Variants in PITPNC1 observed in about 807,000 individuals in gnomAD.
PITPNC1 encodes the protein cytoplasmic phosphatidylinositol transfer protein 1.
PITPNC1 carries 18 observed loss-of-function variants against 44.7 expected under a neutral mutation model. That is an observed-to-expected ratio of 0.40 (90% CI 0.28 to 0.60). The LOEUF is 0.60. Among genes scored for constraint, PITPNC1 ranks in the 20% least tolerant of loss-of-function variants. PITPNC1 has a pLI of 0.39. For synonymous variants in PITPNC1, 141 were observed against 149.6 expected (o/e 0.94, Z 0.42); for missense variants, 290 against 418.4 (o/e 0.69, Z 2.68).
chr17:67,493,011 G>C (rs1171610142), intron 1 of PITPNC1, among the ~76,000 whole-genome samples: 2 of 152,166 alleles, frequency 1.3e-5, no homozygotes, highest in East Asian at 1.9e-4. Flanking sequence ...TACATTCTCA[G>C]GAGCTGAATT....
chr17:67,584,140 TA>T (rs1285316171), intron 5 of PITPNC1, among the ~76,000 whole-genome samples: 1 of 152,052 alleles, frequency 6.6e-6, no homozygotes, highest in East Asian at 1.9e-4. Flanking sequence ...AACCAACACT[TA>T]GGAAAACAAA....
intron 1 of PITPNC1, among the ~76,000 whole-genome samples, chr17:67,491,257 C>T (rs113450438): frequency 0.013 from 1,955 of 152,332 alleles, 33 homozygotes; most frequent in African/African-American, 0.044. Flanking sequence ...CTCTGGGCAG[C>T]GCGTTCCCAG....
chr17:67,662,534 A>G (rs913390427), intron 6 of PITPNC1, among the ~76,000 whole-genome samples: 1 of 152,136 alleles, frequency 6.6e-6, no homozygotes, highest in Non-Finnish European at 1.5e-5. Flanking sequence ...ATTTTAGAAC[A>G]TTTTAATCAC....
intron 8 of PITPNC1, among the ~76,000 whole-genome samples, chr17:67,691,257 T>A (rs1390192287): frequency 9.2e-5 from 14 of 152,298 alleles, no homozygotes; most frequent in African/African-American, 3.4e-4. Context: ...ACATATTATG[T>A]CTCAAATGTA....
At chr17:67,587,989 C>T (rs923032531) in intron 5 of PITPNC1, among the ~76,000 whole-genome samples, 6 of 151,994 alleles carry the variant, frequency 3.9e-5, no homozygotes, top group South Asian at 2.1e-4. Context: ...CAATAGCCAT[C>T]GTGAAGTTTG....
intron 1 of PITPNC1, among the ~76,000 whole-genome samples, chr17:67,398,975 C>T (rs1379939185): frequency 6.8e-6 from 1 of 147,062 alleles, no homozygotes; most frequent in Non-Finnish European, 1.5e-5. Flanking sequence ...CAGAGTTCTT[C>T]GGCAACTTCT....
chr17:67,534,530 T>C (rs2144131709), intron 2 of PITPNC1, among the ~76,000 whole-genome samples: 1 of 151,810 alleles, frequency 6.6e-6, no homozygotes, highest in South Asian at 2.1e-4. Context: ...CCCAGCTACT[T>C]GGAAGGCTGA....
At chr17:67,426,829 T>C (rs951985590) in intron 1 of PITPNC1, among the ~76,000 whole-genome samples, 8 of 152,220 alleles carry the variant, frequency 5.3e-5, no homozygotes, top group African/African-American at 1.9e-4. Flanking sequence ...TGCATACAAA[T>C]TTGTTCCACA....
chr17:67,428,254 C>A (rs2038801292), intron 1 of PITPNC1, among the ~76,000 whole-genome samples: 1 of 152,066 alleles, frequency 6.6e-6, no homozygotes, highest in Admixed American at 6.6e-5. Context: ...CATACTGTGC[C>A]TTGGCTGGGT....
chr17:67,446,372 CA>C (rs2039095132), intron 1 of PITPNC1, among the ~76,000 whole-genome samples: 1 of 151,422 alleles, frequency 6.6e-6, no homozygotes, highest in East Asian at 1.9e-4. Flanking sequence ...TCTTTTGCTG[CA>C]GTCCTTTCTG....
chr17:67,615,065 G>C (rs1439077733), intron 5 of PITPNC1, among the ~76,000 whole-genome samples: 1 of 152,156 alleles, frequency 6.6e-6, no homozygotes, highest in Non-Finnish European at 1.5e-5. Flanking sequence ...GCCCCAGCCT[G>C]TCTTACCCGT....
intron 1 of PITPNC1, among the ~76,000 whole-genome samples, chr17:67,394,727 G>C (rs369206189): frequency 1.1e-4 from 16 of 152,038 alleles, no homozygotes; most frequent in African/African-American, 3.9e-4. Context: ...ACCCCGTCTC[G>C]ACTAAAAATA....
intron 1 of PITPNC1, among the ~76,000 whole-genome samples, chr17:67,434,304 A>T (rs978115752): frequency 6.6e-6 from 1 of 152,140 alleles, no homozygotes; most frequent in African/African-American, 2.4e-5. Context: ...ATTGAATGCA[A>T]TCTGCTCTGT....
At chr17:67,557,893 G>A (rs190306873) in intron 4 of PITPNC1, among the ~76,000 whole-genome samples, 1 of 152,124 alleles carries the variant, frequency 6.6e-6, no homozygotes, top group South Asian at 2.1e-4. Context: ...GTTCCTGTTC[G>A]GTGCCTCAAA....
chr17:67,678,099 T>G (rs1258539416), intron 8 of PITPNC1, among the ~76,000 whole-genome samples: 1 of 151,786 alleles, frequency 6.6e-6, no homozygotes, highest in Non-Finnish European at 1.5e-5. Context: ...GTCCGTAGTC[T>G]TAGCTATTCA....
chr17:67,684,540 T>C (rs908873403), intron 8 of PITPNC1, among the ~76,000 whole-genome samples: 1 of 152,164 alleles, frequency 6.6e-6, no homozygotes, highest in African/African-American at 2.4e-5. Flanking sequence ...TAATTCTAAC[T>C]CTTCAAAATA....
chr17:67,391,014 T>A (rs374599147), intron 1 of PITPNC1, among the ~76,000 whole-genome samples: 9 of 152,072 alleles, frequency 5.9e-5, no homozygotes, highest in African/African-American at 2.2e-4. Flanking sequence ...TCTAAACATG[T>A]AGCCAGCGTA....
intron 1 of PITPNC1, among the ~76,000 whole-genome samples, chr17:67,433,927 T>C (rs2038895823): frequency 6.6e-6 from 1 of 151,342 alleles, no homozygotes. Flanking sequence ...ATAATAATAA[T>C]AATAAAGAGG....
At chr17:67,438,313 CT>C (rs1245707226) in intron 1 of PITPNC1, among the ~76,000 whole-genome samples, 33,040 of 130,308 alleles carry the variant, frequency 0.25, 3,966 homozygotes, top group Middle Eastern at 0.36. Context: ...TTCTAAGTGA[CT>C]TTTTTTTTTT....
Sources: allele counts gnomAD v4.1 joint callset (sites outside exome capture counted in the v4.1 genomes callset), GRCh38; gene constraint gnomAD v4.1.1; transcripts MANE v1.5; gene names NCBI Gene and HGNC (gene_info 2026-07-23, HGNC 2026-07-21).